CFAP299: variants seen among roughly 807,000 people sequenced by gnomAD.
The protein encoded by CFAP299 is cilia and flagella associated protein 299.
CFAP299 carries 21 observed loss-of-function variants against 27.0 expected under a neutral mutation model. That is an observed-to-expected ratio of 0.78 (90% CI 0.55 to 1.12). CFAP299 has a LOEUF of 1.12. Ranked by LOEUF, CFAP299 falls within the 50% of genes most tolerant of loss-of-function variation. The pLI, the probability that CFAP299 is intolerant of heterozygous loss-of-function variation, is 0.00. For synonymous variants in CFAP299, 104 were observed against 98.1 expected (o/e 1.06, Z -0.36); for missense variants, 310 against 276.6 (o/e 1.12, Z -0.86).
chr4:80,524,581 A>G (rs1307500310), intron 2 of CFAP299, among the ~76,000 whole-genome samples: 2 of 152,116 alleles, frequency 1.3e-5, no homozygotes, highest in African/African-American at 4.8e-5. Context: ...TGACTGCCTA[A>G]TTGACATCTC....
chr4:80,591,131 T>TAA (rs1560643089), intron 3 of CFAP299, among the ~76,000 whole-genome samples: 2 of 137,066 alleles, frequency 1.5e-5, no homozygotes, highest in African/African-American at 2.7e-5. Context: ...TTTTTTTTTT[T>TAA]ATTTTTTTTT....
At position 80,497,684 on chromosome 4, in the gene CFAP299, C is replaced by T. The variant is rs1731525460; in HGVS notation, c.243-85409C>T. ...AACTCAGATCATACCATACATTCCA[C>T]TTTGAAACTTATTTTTTAGCCTTAC... On this transcript the variant is annotated intron_variant, in intron 2 of 5. Transcript: ENST00000358105. Among the ~76,000 whole-genome samples the T allele has an allele frequency of 5.3e-5, 8 of 152,144 alleles. 1 individual carries two copies. In the South Asian group the frequency reaches 1.5e-3, roughly 28 times the overall value.
chr4:80,386,520 G>T (rs1354157184), intron 2 of CFAP299: 2 of 1,177,324 alleles, frequency 1.7e-6, no homozygotes, highest in Non-Finnish European at 2.3e-6. Context: ...GGTGGGGGGG[G>T]GGGGTGCCGC....
At chr4:80,855,533 T>C (rs1731806784) in intron 3 of CFAP299, among the ~76,000 whole-genome samples, 2 of 152,336 alleles carry the variant, frequency 1.3e-5, no homozygotes, top group South Asian at 4.1e-4. Flanking sequence ...ATTAGGTATA[T>C]CTCACAATGC....
intron 2 of CFAP299, among the ~76,000 whole-genome samples, chr4:80,380,422 A>ATTTTTTTTTT: frequency 1.0e-5 from 1 of 96,134 alleles, no homozygotes; most frequent in Non-Finnish European, 1.9e-5. Context: ...TGTGTCTCAC[A>ATTTTTTTTTT]TTTTTTTTTT....
intron 2 of CFAP299, among the ~76,000 whole-genome samples, chr4:80,523,994 G>A (rs928067720): frequency 6.6e-6 from 1 of 152,052 alleles, no homozygotes; most frequent in East Asian, 1.9e-4. Flanking sequence ...TAATAGCCAG[G>A]CCTTTGGGTT....
At chr4:80,338,381 A>G (rs1011326693) in intron 1 of CFAP299, among the ~76,000 whole-genome samples, 5 of 152,154 alleles carry the variant, frequency 3.3e-5, no homozygotes, top group African/African-American at 9.7e-5. Flanking sequence ...TATACAAGAG[A>G]TCTCTTGAAT....
chr4:80,907,719 G>A lies in CFAP299; in HGVS notation c.477-37091G>A, dbSNP rs376664425. Among the ~76,000 whole-genome samples, 16 of 152,280 alleles carry A rather than the reference G, an allele frequency of 1.1e-4. No individual in the cohort carries two copies. The East Asian group carries it at 1.5e-3, about 15-fold the overall frequency. On this transcript the variant is annotated intron_variant, in intron 4 of 5. Transcript: ENST00000358105. ...AGCATGTGGGTAACTGCCCCATGAT[G>A]CAATTACCTCCTATCGGGTCCCTCT...
At chr4:80,701,449 T>C (rs1721475095) in intron 3 of CFAP299, among the ~76,000 whole-genome samples, 1 of 152,086 alleles carries the variant, frequency 6.6e-6, no homozygotes, top group African/African-American at 2.4e-5. Context: ...TAAGACTCTT[T>C]TGGCAAGGAG....
chr4:80,775,143 T>C (rs1726456680), intron 3 of CFAP299, among the ~76,000 whole-genome samples: 1 of 151,658 alleles, frequency 6.6e-6, no homozygotes, highest in Admixed American at 6.6e-5. Flanking sequence ...GATATGCTTA[T>C]TGCAAAACTA....
intron 4 of CFAP299, among the ~76,000 whole-genome samples, chr4:80,928,215 A>C (rs1736398776): frequency 6.6e-6 from 1 of 152,036 alleles, no homozygotes; most frequent in African/African-American, 2.4e-5. Flanking sequence ...GTCTCTTTTT[A>C]GTTTTCACAC....
At chr4:80,692,473 G>GGGAAAACTGGCTAGCCATATGT in intron 3 of CFAP299, among the ~76,000 whole-genome samples, 1 of 152,178 alleles carries the variant, frequency 6.6e-6, no homozygotes. Flanking sequence ...AAATGGTGCT[G>GGGAAAACTGGCTAGCCATATGT]GGAAAACTGG....
At chr4:80,794,653 G>A (rs112178452) in intron 3 of CFAP299, among the ~76,000 whole-genome samples, 1,635 of 152,236 alleles carry the variant, frequency 0.011, 29 homozygotes, top group African/African-American at 0.037. Context: ...AAGTGAGTGC[G>A]TTGGTCAGAG....
intron 2 of CFAP299, among the ~76,000 whole-genome samples, chr4:80,478,386 A>G (rs1478755864): frequency 4.6e-5 from 7 of 152,124 alleles, no homozygotes; most frequent in South Asian, 2.1e-4. Context: ...TCATACTTAT[A>G]TATAACAAAA....
intron 3 of CFAP299, among the ~76,000 whole-genome samples, chr4:80,862,167 C>T (rs1202048963): frequency 6.6e-6 from 1 of 152,038 alleles, no homozygotes; most frequent in Non-Finnish European, 1.5e-5. Context: ...GTCAGGAGTT[C>T]GAGACCAGCC....
intron 2 of CFAP299, among the ~76,000 whole-genome samples, chr4:80,559,404 A>G (rs1323244583): frequency 1.3e-5 from 2 of 152,138 alleles, no homozygotes; most frequent in Non-Finnish European, 2.9e-5. Context: ...AATATAAGGG[A>G]AGAGGTGGAG....
chr4:80,462,988 AT>A (rs1271692635), intron 2 of CFAP299, among the ~76,000 whole-genome samples: 1 of 152,210 alleles, frequency 6.6e-6, no homozygotes, highest in Non-Finnish European at 1.5e-5. Context: ...TCAGGACTAG[AT>A]GAATACCCAA....
At chr4:80,598,908 C>T (rs1204637315) in intron 3 of CFAP299, among the ~76,000 whole-genome samples, 1 of 152,172 alleles carries the variant, frequency 6.6e-6, no homozygotes, top group East Asian at 1.9e-4. Flanking sequence ...ATGCTAGAAA[C>T]TTGACCACAT....
intron 3 of CFAP299, among the ~76,000 whole-genome samples, chr4:80,853,448 T>A (rs897029651): frequency 6.6e-6 from 1 of 152,198 alleles, no homozygotes; most frequent in Non-Finnish European, 1.5e-5. Flanking sequence ...ATATGCTACT[T>A]TTGTTAGAGA....
Sources: allele counts gnomAD v4.1 joint callset (sites outside exome capture counted in the v4.1 genomes callset), GRCh38; gene constraint gnomAD v4.1.1; transcripts MANE v1.5; gene names NCBI Gene and HGNC (gene_info 2026-07-23, HGNC 2026-07-21).